MEF2C: variants seen among roughly 807,000 people sequenced by gnomAD.
MEF2C encodes myocyte enhancer factor 2C.
In MEF2C, 6 loss-of-function variants were observed where a neutral mutation model predicts 50.5. The ratio of observed to expected loss-of-function variants is 0.12; its 90% CI spans 0.07 to 0.23. The LOEUF is 0.23. MEF2C is among the 10% of genes least tolerant of loss of function. The pLI, the probability that MEF2C is intolerant of heterozygous loss-of-function variation, is 1.00. For missense variants in MEF2C, 276 were observed against 605.0 expected, an observed-to-expected ratio of 0.46 and a Z score of 5.70; for synonymous variants, 183 against 228.0, an observed-to-expected ratio of 0.80 and a Z score of 1.78.
intron 3 of MEF2C, among the ~76,000 whole-genome samples, chr5:88,799,870 T>TCATA (rs70996496): frequency 0.036 from 3,835 of 106,934 alleles, 40 homozygotes; most frequent in Non-Finnish European, 0.04. Context: ...TCTCTCTCTC[T>TCATA]CACACACACA....
chr5:88,837,773 C>T (rs1815755149), intron 1 of MEF2C, among the ~76,000 whole-genome samples: 1 of 152,162 alleles, frequency 6.6e-6, no homozygotes, highest in Admixed American at 6.5e-5. Context: ...AGGATATGTT[C>T]ACCTCAGCCT....
intron 5 of MEF2C, chr5:88,749,978 C>A (rs879315562): frequency 1.2e-5 from 2 of 160,270 alleles, no homozygotes; most frequent in Admixed American, 1.3e-4. Flanking sequence ...TGCAGTGAGC[C>A]GAGATGGTGC....
At chr5:88,892,436 A>T (rs997698494) in intron 1 of MEF2C, among the ~76,000 whole-genome samples, 1 of 152,248 alleles carries the variant, frequency 6.6e-6, no homozygotes. Context: ...AAACTGCGGT[A>T]AAAATTAGCC....
intron 2 of MEF2C, among the ~76,000 whole-genome samples, chr5:88,821,964 C>T (rs1278187841): frequency 6.6e-6 from 1 of 151,780 alleles, no homozygotes; most frequent in Admixed American, 6.6e-5. Context: ...GGTAGGTATA[C>T]CTCAATTACC....
chr5:88,798,955 G>T (rs1231735262), intron 3 of MEF2C, among the ~76,000 whole-genome samples: 1 of 152,164 alleles, frequency 6.6e-6, no homozygotes, highest in Non-Finnish European at 1.5e-5. Flanking sequence ...CATTTGCCTG[G>T]GTTAACACCA....
intron 1 of MEF2C, chr5:88,839,667 A>G (rs1421305983): frequency 6.6e-6 from 1 of 151,948 alleles, no homozygotes; most frequent in Non-Finnish European, 1.5e-5. Flanking sequence ...ATGCTAAAAA[A>G]GCGGACATTT....
At chr5:88,728,390 G>GT in intron 10 of MEF2C, 103 bp downstream of exon 10, 1 of 959,386 alleles carries the variant, frequency 1.0e-6, no homozygotes, top group Non-Finnish European at 1.4e-6. Flanking sequence ...ATAAAGTAGA[G>GT]TTTTATACCC....
intron 8 of MEF2C, among the ~76,000 whole-genome samples, 155 bp downstream of exon 8, chr5:88,730,056 C>T: frequency 6.6e-6 from 1 of 151,844 alleles, no homozygotes; most frequent in East Asian, 1.9e-4. Flanking sequence ...ATTCTTTTCA[C>T]CTGTGAGTGA....
intron 2 of MEF2C, among the ~76,000 whole-genome samples, chr5:88,814,348 T>TATA (rs1804311297): frequency 1.3e-5 from 2 of 151,996 alleles, no homozygotes; most frequent in African/African-American, 4.8e-5. Flanking sequence ...AGCGTTCCTT[T>TATA]ATACAATGAC....
chr5:88,834,707 G>A (rs1015836449), intron 1 of MEF2C, among the ~76,000 whole-genome samples: 1 of 152,156 alleles, frequency 6.6e-6, no homozygotes, highest in African/African-American at 2.4e-5. Context: ...CCACAATGGA[G>A]TCAGACATTA....
Position 88,761,302 on chromosome 5 carries a change from G to C in MEF2C, c.285C>G (p.Gly95=), listed in dbSNP as rs1443282239. 6.2e-7 allele frequency: 1 copy of C among 1,612,992 alleles called. No homozygotes were observed. The highest frequency in any genetic ancestry group is 1.3e-5 in the African/African-American group (1 of 74,882). The change falls in exon 4 of 11, where the codon GGC becomes GGG. Residue 95 remains glycine, a synonymous_variant. Transcript: ENST00000504921. ...VETLRKKGLN[G]CDSPDPDADD... ...CCGCATCGGGGTCTGGGCTGTCACA[G>C]CCATTAAGGCCCTTCTTTCTCAACG... is the stretch of plus-strand genomic sequence containing the variant.
chr5:88,893,329 T>A (rs1834789513), intron 1 of MEF2C, among the ~76,000 whole-genome samples: 1 of 151,524 alleles, frequency 6.6e-6, no homozygotes, highest in African/African-American at 2.4e-5. Context: ...CTTTTTTTTT[T>A]TTATGGAGTC....
intron 2 of MEF2C, 145 bp from the exon 3 acceptor site, chr5:88,804,946 T>A: frequency 1.6e-6 from 1 of 620,166 alleles, no homozygotes; most frequent in Non-Finnish European, 2.8e-6. Context: ...AGAAAGCAAA[T>A]AAATCTAATA....
intron 3 of MEF2C, chr5:88,781,968 G>C (rs1352910793): frequency 1.4e-5 from 4 of 294,712 alleles, no homozygotes; most frequent in Non-Finnish European, 1.0e-5. Flanking sequence ...GTGAGACTCT[G>C]TCAAAAACAA....
rs1255362646 is a variant in MEF2C at position 88,735,971 on chromosome 5, T to C, written c.638-4070A>G. 4 of 985,204 alleles carry C rather than the reference T, an allele frequency of 4.1e-6. No homozygotes were observed. The East Asian group carries it at 3.4e-4, about 84-fold the overall frequency. The allele number at this position is 985,204 out of a possible 1,614,324, so 61.0% of individuals were successfully genotyped here. ...ACTTTGAATTATGAATACAAGCATA[T>C]AAGACTAATAAGCATAAACAGAATT... is the stretch of plus-strand genomic sequence containing the variant. On this transcript the variant is annotated intron_variant, in intron 6 of 10. Coordinates refer to ENST00000504921, the MANE Select transcript of MEF2C (RefSeq NM_002397.5).
intron 6 of MEF2C, chr5:88,742,019 GA>G (rs1310740690): frequency 2.0e-6 from 2 of 985,196 alleles, no homozygotes; most frequent in East Asian, 2.3e-4. Flanking sequence ...AAATTCAACT[GA>G]AACATACTAT....
chr5:88,749,208 C>T (rs1314196856), intron 5 of MEF2C, 91 bp from the exon 6 acceptor site: 1 of 1,358,464 alleles, frequency 7.4e-7, no homozygotes, highest in Middle Eastern at 1.9e-4. Context: ...ATTTTGTCCT[C>T]TTGCAATAGT....
At chr5:88,892,887 C>T (rs1338327120) in intron 1 of MEF2C, among the ~76,000 whole-genome samples, 3 of 152,090 alleles carry the variant, frequency 2.0e-5, no homozygotes, top group Non-Finnish European at 4.4e-5. Flanking sequence ...GTCTGATGGC[C>T]GTCTATGGCA....
chr5:88,826,942 G>T (rs866284103), intron 1 of MEF2C: 5 of 150,190 alleles, frequency 3.3e-5, no homozygotes, highest in Non-Finnish European at 7.4e-5. Flanking sequence ...CTCTACTATA[G>T]TTACACTCTA....
Sources: gnomAD v4.1 joint callset for allele counts (sites outside exome capture counted in the v4.1 genomes callset) on GRCh38, gnomAD v4.1.1 for gene constraint, MANE v1.5 for transcripts, NCBI Gene and HGNC (gene_info 2026-07-23, HGNC 2026-07-21) for gene names.